MGAT4C: variants seen among roughly 807,000 people sequenced by gnomAD.
The protein encoded by MGAT4C is alpha-1,3-mannosyl-glycoprotein 4-beta-N-acetylglucosaminyltransferase C.
In MGAT4C, 19 loss-of-function variants were observed where a neutral mutation model predicts 40.1. That is an observed-to-expected ratio of 0.47 (90% CI 0.33 to 0.70). The LOEUF is 0.70. MGAT4C is among the 30% of genes least tolerant of loss of function. The probability of loss-of-function intolerance (pLI) is 0.02; values close to 1 mark genes in which losing one functional copy is unlikely to be tolerated. For synonymous variants in MGAT4C, 181 were observed against 187.1 expected, an observed-to-expected ratio of 0.97 and a Z score of 0.27; for missense variants, 491 against 563.2, an observed-to-expected ratio of 0.87 and a Z score of 1.30.
At position 86,684,367 on chromosome 12, in the gene MGAT4C, A is replaced by C. The variant is rs147055932; in HGVS notation, c.-229+42842T>G. 3.1e-3 allele frequency among the ~76,000 whole-genome samples: 466 copies of C among 152,266 alleles called. 2 individuals carry two copies. The highest frequency in any genetic ancestry group is 0.011 in the African/African-American group (445 of 41,544). On this transcript the variant is annotated intron_variant, in intron 2 of 7. Transcript: ENST00000548651. ...CCCTGCAAAAGACATAAACTCATTA[A>C]TTTTTATGGCAGCATAGTATTCCAT... is the stretch of plus-strand genomic sequence containing the variant.
chr12:86,589,727 C>G (rs1565869639), intron 2 of MGAT4C, among the ~76,000 whole-genome samples: 1 of 151,986 alleles, frequency 6.6e-6, no homozygotes, highest in Non-Finnish European at 1.5e-5. Flanking sequence ...GGCTTCATCC[C>G]TGGGATGCAA....
At chr12:86,006,803 C>T (rs527357928) in intron 2 of MGAT4C, among the ~76,000 whole-genome samples, 1 of 152,204 alleles carries the variant, frequency 6.6e-6, no homozygotes, top group Admixed American at 6.5e-5. Flanking sequence ...ATTACTCTAC[C>T]CTCTTAGTGA....
chr12:85,980,816 TA>T (rs969223079), intron 4 of MGAT4C, among the ~76,000 whole-genome samples: 5 of 151,690 alleles, frequency 3.3e-5, no homozygotes, highest in African/African-American at 7.3e-5. Flanking sequence ...AAAGATAAAG[TA>T]AAAAAAATGC....
At chr12:86,507,875 G>C (rs2136343339) in intron 2 of MGAT4C, among the ~76,000 whole-genome samples, 1 of 152,060 alleles carries the variant, frequency 6.6e-6, no homozygotes, top group South Asian at 2.1e-4. Context: ...TTTTAAGATT[G>C]TTTTGGCTAC....
chr12:86,400,668 T>TTG (rs1449358310), intron 3 of MGAT4C, among the ~76,000 whole-genome samples: 2 of 152,216 alleles, frequency 1.3e-5, no homozygotes, highest in East Asian at 3.9e-4. Context: ...TTACACTTTT[T>TTG]TGTGTTTTCT....
intron 2 of MGAT4C, among the ~76,000 whole-genome samples, chr12:86,523,347 T>C (rs953013836): frequency 6.6e-6 from 1 of 152,122 alleles, no homozygotes; most frequent in African/African-American, 2.4e-5. Context: ...TTCATTATGT[T>C]CCCAAAAGTC....
chr12:86,632,009 G>A (rs2136507104), intron 2 of MGAT4C, among the ~76,000 whole-genome samples: 2 of 152,128 alleles, frequency 1.3e-5, no homozygotes, highest in East Asian at 3.9e-4. Context: ...CTACCCATCT[G>A]ACAAAGGGCT....
intron 2 of MGAT4C, among the ~76,000 whole-genome samples, chr12:86,617,238 G>C (rs943000779): frequency 4.6e-5 from 7 of 152,096 alleles, no homozygotes; most frequent in African/African-American, 1.7e-4. Flanking sequence ...TAATTTTTTA[G>C]ATAGATTTAG....
chr12:86,627,130 T>C (rs1486745123), intron 2 of MGAT4C, among the ~76,000 whole-genome samples: 1 of 149,814 alleles, frequency 6.7e-6, no homozygotes, highest in South Asian at 2.1e-4. Context: ...AGCTCAGCAG[T>C]CCAAGATCGA....
At chr12:86,584,388 G>C (rs1190888836) in intron 2 of MGAT4C, among the ~76,000 whole-genome samples, 2 of 150,704 alleles carry the variant, frequency 1.3e-5, no homozygotes, top group African/African-American at 4.9e-5. Flanking sequence ...AGTCTCTAAG[G>C]AATTCTTCCT....
At chr12:86,486,376 G>GCACACACACACACA (rs59222713) in intron 2 of MGAT4C, among the ~76,000 whole-genome samples, 1 of 139,988 alleles carries the variant, frequency 7.1e-6, no homozygotes, top group Non-Finnish European at 1.5e-5. Context: ...GATCTATCAT[G>GCACACACACACACA]CACACACACA....
At chr12:86,620,287 T>C (rs1421310881) in intron 2 of MGAT4C, among the ~76,000 whole-genome samples, 2 of 152,010 alleles carry the variant, frequency 1.3e-5, no homozygotes, top group Non-Finnish European at 2.9e-5. Flanking sequence ...CTATTTACAA[T>C]GCAAAGTTAT....
chr12:86,745,371 A>G (rs917514475), intron 1 of MGAT4C, among the ~76,000 whole-genome samples: 4 of 151,704 alleles, frequency 2.6e-5, no homozygotes, highest in Non-Finnish European at 5.9e-5. Context: ...TTTACTTTGA[A>G]GAACTAAAGA....
chr12:86,627,475 A>G (rs1215049180), intron 2 of MGAT4C, among the ~76,000 whole-genome samples: 1 of 95,986 alleles, frequency 1.0e-5, no homozygotes, highest in Non-Finnish European at 2.1e-5. Flanking sequence ...GTAAGGGCTG[A>G]CTGACACTTC....
intron 3 of MGAT4C, among the ~76,000 whole-genome samples, chr12:86,405,991 A>T (rs866320387): frequency 7.2e-5 from 10 of 138,574 alleles, no homozygotes; most frequent in East Asian, 2.1e-4. Flanking sequence ...ATACACAAAA[A>T]ATATATATTA....
intron 1 of MGAT4C, among the ~76,000 whole-genome samples, chr12:86,135,070 T>C (rs1041080656): frequency 2.0e-5 from 3 of 152,164 alleles, no homozygotes; most frequent in Non-Finnish European, 2.9e-5. Context: ...CATTGAACTA[T>C]ACCTGTTTTA....
At chr12:86,125,756 A>C (rs1253122165) in intron 1 of MGAT4C, among the ~76,000 whole-genome samples, 2 of 152,182 alleles carry the variant, frequency 1.3e-5, no homozygotes, top group Non-Finnish European at 2.9e-5. Flanking sequence ...ATAAACTAAA[A>C]TCTTGAAATG....
At chr12:85,981,704 C>T (rs1388777823) in intron 4 of MGAT4C, among the ~76,000 whole-genome samples, 1 of 152,108 alleles carries the variant, frequency 6.6e-6, no homozygotes, top group African/African-American at 2.4e-5. Flanking sequence ...TACCATCATT[C>T]TGCTTTACAG....
At chr12:86,361,851 A>G (rs1770499247) in intron 3 of MGAT4C, among the ~76,000 whole-genome samples, 1 of 152,174 alleles carries the variant, frequency 6.6e-6, no homozygotes, top group African/African-American at 2.4e-5. Flanking sequence ...TGCTGGAGAA[A>G]ATGTGGAGAA....
Sources: gnomAD v4.1 joint callset for allele counts (sites outside exome capture counted in the v4.1 genomes callset) on GRCh38, gnomAD v4.1.1 for gene constraint, MANE v1.5 for transcripts, NCBI Gene and HGNC (gene_info 2026-07-23, HGNC 2026-07-21) for gene names.